KRABD4: variants seen among roughly 807,000 people sequenced by gnomAD.
The protein encoded by KRABD4 is KRAB domain containing 4, also known as KRAB domain-containing protein 4.
the KRABD4 span, among the ~76,000 whole-genome samples, chrX:46,469,506 T>G: frequency 3.6e-5 from 4 of 112,257 alleles, no homozygotes; most frequent in African/African-American, 1.3e-4. Context: ...TGCTCATTGC[T>G]AGTTTATAGA....
At chrX:46,459,878 T>A in the KRABD4 span, among the ~76,000 whole-genome samples, 6 of 111,989 alleles carry the variant, frequency 5.4e-5, no homozygotes, top group African/African-American at 2.0e-4. Context: ...CAGTTTTCCC[T>A]GGACACCAGC....
the KRABD4 span, chrX:46,471,157 C>T: frequency 8.6e-7 from 1 of 1,161,827 alleles, no homozygotes; most frequent in Non-Finnish European, 1.1e-6. Context: ...TCCATTTTTG[C>T]CTCATGTATT....
the KRABD4 span, among the ~76,000 whole-genome samples, chrX:46,452,304 A>T: frequency 9.5e-6 from 1 of 105,470 alleles, no homozygotes; most frequent in Non-Finnish European, 1.9e-5. Flanking sequence ...TTTTTAACGA[A>T]CTTTTCACTT....
chrX:46,460,353 G>T, the KRABD4 span, among the ~76,000 whole-genome samples: 1 of 107,214 alleles, frequency 9.3e-6, no homozygotes, highest in African/African-American at 3.4e-5. Flanking sequence ...GGAGGTAGAG[G>T]TTGCAATGAG....
the KRABD4 span, chrX:46,471,023 T>C: frequency 4.1e-6 from 3 of 739,063 alleles, no homozygotes; most frequent in East Asian, 1.1e-4. Flanking sequence ...AGTTGGTTGA[T>C]GGTGCTGTTC....
the KRABD4 span, among the ~76,000 whole-genome samples, chrX:46,449,559 C>T: frequency 4.5e-5 from 5 of 112,104 alleles, no homozygotes; most frequent in Non-Finnish European, 7.5e-5. Flanking sequence ...TTTAATAAAT[C>T]CTCTGAGACA....
chrX:46,470,760 A>G, the KRABD4 span, among the ~76,000 whole-genome samples: 2 of 110,977 alleles, frequency 1.8e-5, no homozygotes, highest in African/African-American at 6.5e-5. Context: ...AATAGTTTCA[A>G]ATTCCCCTTA....
At chrX:46,467,640 C>A in the KRABD4 span, among the ~76,000 whole-genome samples, 2 of 111,569 alleles carry the variant, frequency 1.8e-5, no homozygotes, top group Non-Finnish European at 3.8e-5. Flanking sequence ...CAACAACACA[C>A]CTTTCTAGTA....
chrX:46,463,650 G>A, the KRABD4 span, among the ~76,000 whole-genome samples: 1 of 111,082 alleles, frequency 9.0e-6, no homozygotes, highest in African/African-American at 3.3e-5. Context: ...TTGGCCTTTT[G>A]TATTTTCACC....
chrX:46,464,887 T>TA, the KRABD4 span, among the ~76,000 whole-genome samples: 101 of 108,619 alleles, frequency 9.3e-4, no homozygotes, highest in African/African-American at 3.2e-3. Flanking sequence ...CAGTATAGGC[T>TA]AAAAGGTAAT....
chrX:46,459,951 A>G, the KRABD4 span, among the ~76,000 whole-genome samples: 1 of 111,923 alleles, frequency 8.9e-6, no homozygotes, highest in Admixed American at 9.5e-5. Flanking sequence ...GTGAGCTCCC[A>G]CAGGTTGAGG....
At chrX:46,463,000 T>C in the KRABD4 span, 9 of 1,104,529 alleles carry the variant, frequency 8.1e-6, no homozygotes, top group Non-Finnish European at 1.1e-5. Context: ...TTTGGGTTAC[T>C]GCCCACTGTG....
At chrX:46,469,797 C>T in the KRABD4 span, among the ~76,000 whole-genome samples, 6 of 111,800 alleles carry the variant, frequency 5.4e-5, no homozygotes, top group Non-Finnish European at 1.1e-4. Flanking sequence ...AAAGCATTTA[C>T]TCTCTTACCA....
At chrX:46,465,226 C>T in the KRABD4 span, among the ~76,000 whole-genome samples, 1 of 113,191 alleles carries the variant, frequency 8.8e-6, no homozygotes, top group Non-Finnish European at 1.9e-5. Flanking sequence ...AGCTCAAACA[C>T]AACCCCTAGA....
chrX:46,466,797 T>A, the KRABD4 span, among the ~76,000 whole-genome samples: 1 of 112,537 alleles, frequency 8.9e-6, no homozygotes, highest in Non-Finnish European at 1.9e-5. Flanking sequence ...GGAATTTATC[T>A]TTCTTAGGTG....
chrX:46,456,022 G>T, the KRABD4 span: 1 of 351,479 alleles, frequency 2.8e-6, no homozygotes. Flanking sequence ...CATCTGTAAA[G>T]TTAGGTGCTT....
chrX:46,464,893 G>A, the KRABD4 span, among the ~76,000 whole-genome samples: 1 of 105,205 alleles, frequency 9.5e-6, no homozygotes, highest in Non-Finnish European at 1.9e-5. Flanking sequence ...AGGCTAAAAG[G>A]TAATCTTAGG....
At chrX:46,456,004 G>T in the KRABD4 span, 1 of 328,197 alleles carries the variant, frequency 3.0e-6, no homozygotes, top group Non-Finnish European at 5.8e-6. Flanking sequence ...ATGTAGGCAG[G>T]CTAAAGTCAT....
At chrX:46,460,388 G>C in the KRABD4 span, among the ~76,000 whole-genome samples, 1 of 104,865 alleles carries the variant, frequency 9.5e-6, no homozygotes, top group African/African-American at 3.4e-5. Context: ...TTGCACTCCA[G>C]CCTGGGCAAC....
Sources: allele counts gnomAD v4.1 joint callset (sites outside exome capture counted in the v4.1 genomes callset), GRCh38; gene constraint gnomAD v4.1.1; transcripts MANE v1.5; gene names NCBI Gene and HGNC (gene_info 2026-07-23, HGNC 2026-07-21).